The following MAPK10 variants were observed in gnomAD, a reference collection of about 807,000 sequenced individuals.
MAPK10 encodes JNK3 alpha protein kinase.
A neutral mutation model predicts 59.3 loss-of-function variants in MAPK10; 25 were observed. The observed-to-expected ratio is 0.42, with a 90% confidence interval of 0.31 to 0.59. The LOEUF (loss-of-function observed/expected upper bound fraction) is 0.59. Ranked by LOEUF, MAPK10 falls within the 20% of genes least tolerant of loss-of-function variation. MAPK10 has a pLI of 0.15. For synonymous variants in MAPK10, 190 were observed against 200.5 expected (o/e 0.95, Z 0.44); for missense variants, 351 against 568.9 (o/e 0.62, Z 3.90).
chr4:86,222,278 T>C (rs2089800916), intron 2 of MAPK10, among the ~76,000 whole-genome samples: 1 of 152,234 alleles, frequency 6.6e-6, no homozygotes, highest in Admixed American at 6.5e-5. Flanking sequence ...AGGATGATGC[T>C]ATACAACACT....
intron 1 of MAPK10, among the ~76,000 whole-genome samples, chr4:86,378,015 T>C (rs1740084043): frequency 6.6e-6 from 1 of 152,032 alleles, no homozygotes; most frequent in African/African-American, 2.4e-5. Context: ...CAAATGTTAA[T>C]CTCCTTGGCA....
intron 1 of MAPK10, among the ~76,000 whole-genome samples, chr4:86,541,946 G>A (rs966188045): frequency 5.7e-4 from 39 of 68,860 alleles, no homozygotes; most frequent in South Asian, 1.2e-3. Flanking sequence ...TGAATACACC[G>A]GCACACACAC....
intron 1 of MAPK10, among the ~76,000 whole-genome samples, chr4:86,491,198 G>A (rs1256983060): frequency 6.6e-6 from 1 of 152,132 alleles, no homozygotes; most frequent in Non-Finnish European, 1.5e-5. Flanking sequence ...ACAGACACAG[G>A]CAAAGGATAC....
chr4:86,148,289 T>C lies in MAPK10; in HGVS notation c.236+11009A>G, dbSNP rs558948631. Reference sequence around the variant, plus strand: ...ACTGAAATGTGAAAATGAGAGCAATTTCCCAGGGATTCCCAGGGAAAATGG... The same window carrying C: ...ACTGAAATGTGAAAATGAGAGCAATCTCCCAGGGATTCCCAGGGAAAATGG... On this transcript the variant is annotated intron_variant, in intron 4 of 13. Coordinates refer to ENST00000641462, the MANE Select transcript of MAPK10 (RefSeq NM_138982.4). Among the ~76,000 whole-genome samples, 9 of 152,214 alleles carry C rather than the reference T, an allele frequency of 5.9e-5. No individual in the cohort carries two copies. In the East Asian group the frequency reaches 1.7e-3, roughly 29 times the overall value.
chr4:86,343,638 A>T (rs940987544), intron 2 of MAPK10, among the ~76,000 whole-genome samples: 6 of 152,182 alleles, frequency 3.9e-5, no homozygotes. Flanking sequence ...GTGGCCCCCA[A>T]ATTAGTCAAA....
intron 13 of MAPK10, among the ~76,000 whole-genome samples, chr4:86,023,748 T>A (rs1269988452): frequency 1.4e-5 from 2 of 146,746 alleles, no homozygotes; most frequent in Non-Finnish European, 3.0e-5. Context: ...ACAATTATAC[T>A]GAGGACTTAT....
chr4:86,439,355 C>T (rs1749149221), intron 1 of MAPK10, among the ~76,000 whole-genome samples: 2 of 152,098 alleles, frequency 1.3e-5, no homozygotes, highest in Non-Finnish European at 2.9e-5. Context: ...TAAATTAAAT[C>T]ATATATTATG....
At chr4:86,269,729 T>C (rs1251640045) in intron 2 of MAPK10, among the ~76,000 whole-genome samples, 1 of 152,154 alleles carries the variant, frequency 6.6e-6, no homozygotes, top group African/African-American at 2.4e-5. Context: ...AATGATTTTC[T>C]AGATAACAAA....
intron 4 of MAPK10, among the ~76,000 whole-genome samples, chr4:86,157,526 A>G (rs1204316564): frequency 1.3e-5 from 2 of 151,968 alleles, no homozygotes; most frequent in South Asian, 2.1e-4. Context: ...ATTGCATGGA[A>G]CATTCAAGAT....
chr4:86,385,960 C>G (rs1280308433), intron 1 of MAPK10, among the ~76,000 whole-genome samples: 1 of 152,090 alleles, frequency 6.6e-6, no homozygotes, highest in Non-Finnish European at 1.5e-5. Flanking sequence ...CAGTCTTAGC[C>G]AGGTAAAGAA....
chr4:86,275,275 T>C (rs1390628222), intron 2 of MAPK10, among the ~76,000 whole-genome samples: 5 of 152,028 alleles, frequency 3.3e-5, no homozygotes, highest in Admixed American at 6.6e-5. Context: ...TTGTAGCTAA[T>C]GTTGTGTAAA....
At chr4:86,201,784 T>C (rs2082675210) in intron 2 of MAPK10, among the ~76,000 whole-genome samples, 2 of 151,820 alleles carry the variant, frequency 1.3e-5, no homozygotes, top group African/African-American at 2.4e-5. Flanking sequence ...TATTCTCCTA[T>C]ATATTCTTTG....
At chr4:86,217,897 T>C (rs1423369130) in intron 2 of MAPK10, among the ~76,000 whole-genome samples, 2 of 152,054 alleles carry the variant, frequency 1.3e-5, no homozygotes, top group Non-Finnish European at 1.5e-5. Flanking sequence ...AAATTAAAAA[T>C]AGCAATGGAA....
At chr4:86,264,888 CTTTTTT>C (rs397879051) in intron 2 of MAPK10, among the ~76,000 whole-genome samples, 2 of 95,272 alleles carry the variant, frequency 2.1e-5, no homozygotes, top group African/African-American at 7.4e-5. Flanking sequence ...TGGCCCTGGA[CTTTTTT>C]TTTTTTTTTT....
At chr4:86,412,828 C>T (rs1222571889) in intron 1 of MAPK10, among the ~76,000 whole-genome samples, 1 of 152,144 alleles carries the variant, frequency 6.6e-6, no homozygotes, top group African/African-American at 2.4e-5. Flanking sequence ...TTTTTAGCTT[C>T]CTTGCGATGG....
intron 4 of MAPK10, 184 bp downstream of exon 4, chr4:86,159,114 G>T (rs1329719419): frequency 1.2e-5 from 5 of 418,404 alleles, no homozygotes; most frequent in Non-Finnish European, 1.6e-5. Flanking sequence ...TGTATATATT[G>T]TTAGCAAGTG....
intron 4 of MAPK10, among the ~76,000 whole-genome samples, chr4:86,156,764 A>G (rs895634201): frequency 6.6e-6 from 1 of 152,004 alleles, no homozygotes; most frequent in Non-Finnish European, 1.5e-5. Context: ...GGTAACAGAA[A>G]AAACACTAAT....
In MAPK10 at chr4:86,450,738, G is replaced by T. The variant is rs576008710; in HGVS notation, c.-122+2292C>A. On this transcript the variant is annotated intron_variant, in intron 1 of 13. Transcript: ENST00000361569. Reference sequence around the variant, plus strand: ...TGAACACTTACAACCCAGCATATGGGTTCACGCTTGACATTTAATGTCTCA... The same window carrying T: ...TGAACACTTACAACCCAGCATATGGTTTCACGCTTGACATTTAATGTCTCA... Among the ~76,000 whole-genome samples the T allele has an allele frequency of 5.3e-5, 8 of 152,216 alleles. No homozygotes were observed. In the East Asian group the frequency reaches 9.7e-4, roughly 18 times the overall value.
chr4:86,286,357 G>A (rs1190851849), intron 2 of MAPK10, among the ~76,000 whole-genome samples: 1 of 152,092 alleles, frequency 6.6e-6, no homozygotes, highest in Non-Finnish European at 1.5e-5. Flanking sequence ...TATTCTCATA[G>A]AGATTCTGTT....
Sources: gnomAD v4.1 joint callset for allele counts (sites outside exome capture counted in the v4.1 genomes callset) on GRCh38, gnomAD v4.1.1 for gene constraint, MANE v1.5 for transcripts, NCBI Gene and HGNC (gene_info 2026-07-23, HGNC 2026-07-21) for gene names.